The following PRKDC variants were observed in gnomAD, a reference collection of about 807,000 sequenced individuals.
PRKDC encodes protein kinase, DNA-activated, catalytic subunit, also known as DNA-dependent protein kinase catalytic subunit.
A neutral mutation model predicts 486.9 loss-of-function variants in PRKDC; 82 were observed. That is an observed-to-expected ratio of 0.17 (90% CI 0.14 to 0.20). The LOEUF is 0.20. PRKDC is among the 10% of genes least tolerant of loss of function. The probability of loss-of-function intolerance (pLI) is 1.00; values close to 1 mark genes in which losing one functional copy is unlikely to be tolerated. For missense variants in PRKDC, 4,504 were observed against 5,038.2 expected (o/e 0.89, Z 3.21); for synonymous variants, 1,895 against 1,837.0 (o/e 1.03, Z -0.81).
chr8:47,864,990 GA>G (rs2088774596), intron 40 of PRKDC, among the ~76,000 whole-genome samples: 2 of 152,168 alleles, frequency 1.3e-5, no homozygotes, highest in Admixed American at 6.5e-5. Flanking sequence ...GCATTAAAAA[GA>G]AGAATGTTTC....
rs891906114 is a variant in PRKDC at position 47,928,692 on chromosome 8, GT to G, written c.2139+399del. Among the ~76,000 whole-genome samples the G allele has an allele frequency of 3.5e-3, 522 of 149,520 alleles. 2 individuals are homozygous for G. Among genetic ancestry groups the G allele is most frequent in the African/African-American group, 0.011 (459 of 40,760 alleles). On this transcript the variant is annotated intron_variant, in intron 19 of 85. Coordinates refer to ENST00000314191, the MANE Select transcript of PRKDC (RefSeq NM_006904.7). ...CCCAGCCTCCTAACCTGACACAATT[GT>G]TTTTTTTTGAGACAGAGTCTCGCTG...
Position 47,817,484 on chromosome 8 carries a change from G to C in PRKDC, c.9523C>G (p.Pro3175Ala). 6.2e-7 allele frequency: 1 copy of C among 1,606,982 alleles called. No homozygotes were observed. The highest frequency in any genetic ancestry group is 1.1e-5 in the South Asian group (1 of 89,602). ...TNRYPDAKMD[P>A]MNIWDDIITN... is the part of the protein sequence containing the mutation. ...ATGATGTCATCCCAGATGTTCATTG[G>C]GTCCATTTTAGCATCTGGATATCTG... Residue 3175 changes from proline (P) to alanine (A), a missense_variant, in exon 68 of 86, where the codon CCA becomes GCA. Physicochemically the swap from Pro to Ala is conservative, Grantham distance 27. Transcript: ENST00000314191.
chr8:47,869,749 T>G (rs574511795), intron 40 of PRKDC, among the ~76,000 whole-genome samples: 22 of 152,240 alleles, frequency 1.4e-4, no homozygotes, highest in African/African-American at 5.3e-4. Context: ...TCCCCAGTTC[T>G]AGGCCTTGGC....
intron 11 of PRKDC, among the ~76,000 whole-genome samples, chr8:47,936,741 C>T (rs977679532): frequency 4.6e-5 from 7 of 150,892 alleles, no homozygotes; most frequent in African/African-American, 1.7e-4. Context: ...TTCAGCCTCC[C>T]GAGTAGCTGG....
chr8:47,949,634 G>A (rs935586478), intron 7 of PRKDC, among the ~76,000 whole-genome samples: 1 of 152,208 alleles, frequency 6.6e-6, no homozygotes, highest in African/African-American at 2.4e-5. Flanking sequence ...AAATATGACC[G>A]TAAGTGCTGT....
intron 74 of PRKDC, among the ~76,000 whole-genome samples, chr8:47,792,334 C>G (rs540049326): frequency 6.6e-6 from 1 of 150,836 alleles, no homozygotes; most frequent in East Asian, 2.0e-4. Context: ...TCTCGGCTCA[C>G]TGCAAGCTCC....
intron 7 of PRKDC, 75 bp downstream of exon 7, chr8:47,953,545 C>T: frequency 5.2e-6 from 7 of 1,352,458 alleles, no homozygotes; most frequent in Non-Finnish European, 6.2e-6. Flanking sequence ...GTTAAGAGTT[C>T]AAAGAAATAA....
In PRKDC at chr8:47,879,308, A is replaced by C. The variant is rs567716392; in HGVS notation, c.5235+183T>G. On this transcript the variant is annotated intron_variant, in intron 39 of 85. Coordinates refer to ENST00000314191, the MANE Select transcript of PRKDC (RefSeq NM_006904.7). ...ATTCAGTATGTGCTTCCTCTTCTAC[A>C]AATAATGACCCTAGTAAAAATGTAC... Among the ~76,000 whole-genome samples the C allele has an allele frequency of 2.0e-5, 3 of 152,352 alleles. No individual in the cohort carries two copies. The East Asian group carries it at 5.8e-4, about 29-fold the overall frequency.
intron 63 of PRKDC, among the ~76,000 whole-genome samples, chr8:47,824,756 C>T (rs1589722821): frequency 6.6e-6 from 1 of 152,196 alleles, no homozygotes; most frequent in South Asian, 2.1e-4. Context: ...TTCAATCAAG[C>T]TTCCCAGTCC....
At chr8:47,909,768 G>C (rs1029623523) in intron 25 of PRKDC, among the ~76,000 whole-genome samples, 1 of 152,184 alleles carries the variant, frequency 6.6e-6, no homozygotes, top group Non-Finnish European at 1.5e-5. Context: ...ATGCAGTTGA[G>C]ATAAGGACTG....
chr8:47,800,633 A>C (rs1289952974), intron 71 of PRKDC, among the ~76,000 whole-genome samples, 160 bp downstream of exon 71: 1 of 152,222 alleles, frequency 6.6e-6, no homozygotes, highest in Non-Finnish European at 1.5e-5. Context: ...TAAATAAATA[A>C]AAACAAATAC....
intron 22 of PRKDC, among the ~76,000 whole-genome samples, chr8:47,916,665 GT>G (rs1279099403): frequency 6.6e-6 from 1 of 152,094 alleles, no homozygotes; most frequent in Non-Finnish European, 1.5e-5. Flanking sequence ...AATAAAAATT[GT>G]GTCCACAAAG....
Position 47,912,579 on chromosome 8 carries a change from G to C in PRKDC, c.2782-17C>G. Reference sequence around the variant, plus strand: ...GGCTGCAACCTAAAACAGACCAGGAGGTCAGCAATGTTTAAGTTATCACGT... The same window carrying C: ...GGCTGCAACCTAAAACAGACCAGGACGTCAGCAATGTTTAAGTTATCACGT... On this transcript the variant is annotated splice_polypyrimidine_tract_variant and intron_variant, in intron 24 of 85. Coordinates refer to ENST00000314191, the MANE Select transcript of PRKDC (RefSeq NM_006904.7). The C allele has an allele frequency of 6.4e-7, 1 of 1,563,278 alleles. No homozygotes were observed. The highest frequency in any genetic ancestry group is 2.4e-5 in the East Asian group (1 of 42,448).
rs781164370 is a variant in PRKDC, at chr8:47,858,993, A to G, written c.6208-7T>C. On this transcript the variant is annotated splice_region_variant and splice_polypyrimidine_tract_variant and intron_variant, in intron 46 of 85. Coordinates refer to ENST00000314191, the MANE Select transcript of PRKDC (RefSeq NM_006904.7). ...CCGTGGGGTCCCGCTGCTCCTGCGA[A>G]AGGGAGGGCCCAGGAGAGCAGAGGG... The G allele has an allele frequency of 6.2e-7, 1 of 1,612,108 alleles. No individual in the cohort carries two copies. The highest frequency in any genetic ancestry group is 2.2e-5 in the East Asian group (1 of 44,882).
chr8:47,849,590 G>T lies in PRKDC; in HGVS notation c.7006-87C>A, dbSNP rs190547916. ...CAAAGTTTATCTTGAGTATTTAAGTGAGCCCAACAAAGGTGCTCAATGTTG... is the reference window on the plus strand; with the variant it reads ...CAAAGTTTATCTTGAGTATTTAAGTTAGCCCAACAAAGGTGCTCAATGTTG... On this transcript the variant is annotated intron_variant, in intron 52 of 85. Transcript: ENST00000314191. 1.7e-5 allele frequency: 24 copies of T among 1,451,610 alleles called. No individual in the cohort carries two copies. In the Admixed American group the frequency reaches 2.3e-4, roughly 14 times the overall value. The allele number at this position is 1,451,610 out of a possible 1,614,324, so 89.9% of individuals were successfully genotyped here.
At chr8:47,937,116 C>T (rs1251397057) in intron 11 of PRKDC, among the ~76,000 whole-genome samples, 2 of 149,106 alleles carry the variant, frequency 1.3e-5, no homozygotes, top group South Asian at 4.2e-4. Flanking sequence ...AAAAAATTGG[C>T]CAGGCATGGT....
At chr8:47,834,686 C>CT (rs1014285595) in intron 58 of PRKDC, among the ~76,000 whole-genome samples, 4,362 of 96,628 alleles carry the variant, frequency 0.045, 295 homozygotes, top group African/African-American at 0.22. Flanking sequence ...GAACCCCTGA[C>CT]TTTTTTTTTT....
intron 19 of PRKDC, among the ~76,000 whole-genome samples, chr8:47,928,790 TCTC>T (rs963872525): frequency 2.0e-5 from 3 of 152,040 alleles, no homozygotes; most frequent in African/African-American, 4.8e-5. Flanking sequence ...TTCAATCAGT[TCTC>T]CTGCCTCAGC....
intron 3 of PRKDC, among the ~76,000 whole-genome samples, chr8:47,956,179 T>G (rs941874939): frequency 1.3e-5 from 2 of 151,626 alleles, no homozygotes; most frequent in African/African-American, 4.9e-5. Context: ...CTGGCCAGCA[T>G]GGTGAAACCC....
Sources: allele counts gnomAD v4.1 joint callset (sites outside exome capture counted in the v4.1 genomes callset), GRCh38; gene constraint gnomAD v4.1.1; transcripts MANE v1.5; gene names NCBI Gene and HGNC (gene_info 2026-07-23, HGNC 2026-07-21).